The following KCNJ6 variants were observed in gnomAD, a reference collection of about 807,000 sequenced individuals.
KCNJ6 encodes the protein G protein-activated inward rectifier potassium channel 2.
A neutral mutation model predicts 34.2 loss-of-function variants in KCNJ6; 9 were observed. That is an observed-to-expected ratio of 0.26 (90% confidence interval 0.16 to 0.46). The LOEUF (loss-of-function observed/expected upper bound fraction) is 0.46. Ranked by LOEUF, KCNJ6 falls within the 20% of genes least tolerant of loss-of-function variation. The pLI, the probability that KCNJ6 is intolerant of heterozygous loss-of-function variation, is 1.00. For synonymous variants in KCNJ6, 196 were observed against 207.1 expected (o/e 0.95, Z 0.46); for missense variants, 236 against 531.3 (o/e 0.44, Z 5.46).
chr21:37,832,376 G>T (rs527900866), intron 2 of KCNJ6, among the ~76,000 whole-genome samples: 14 of 152,036 alleles, frequency 9.2e-5, no homozygotes, highest in African/African-American at 3.4e-4. Flanking sequence ...ACGATGAACA[G>T]CTCTGCCCCG....
intron 2 of KCNJ6, among the ~76,000 whole-genome samples, chr21:37,770,844 TCTC>T (rs1309784645): frequency 1.3e-5 from 2 of 152,200 alleles, no homozygotes; most frequent in African/African-American, 2.4e-5. Context: ...CCTTCTTTTA[TCTC>T]CTATCTAATT....
At chr21:37,817,311 T>A (rs770386391) in intron 2 of KCNJ6, among the ~76,000 whole-genome samples, 59 of 152,318 alleles carry the variant, frequency 3.9e-4, no homozygotes, top group Middle Eastern at 3.4e-3. Context: ...AACCTCTCTG[T>A]GCTCCTCCTG....
At chr21:37,757,479 C>T (rs1329015408) in intron 2 of KCNJ6, among the ~76,000 whole-genome samples, 17 of 136,594 alleles carry the variant, frequency 1.2e-4, no homozygotes, top group East Asian at 6.7e-4. Flanking sequence ...TCCCTCACAG[C>T]GTGATGATTC....
chr21:37,654,345 T>C (rs2054447866), intron 3 of KCNJ6, among the ~76,000 whole-genome samples: 1 of 151,854 alleles, frequency 6.6e-6, no homozygotes, highest in Non-Finnish European at 1.5e-5. Flanking sequence ...GTCTGTCAGC[T>C]CTTCTGCTAC....
chr21:37,719,814 C>T (rs998106510), intron 2 of KCNJ6, among the ~76,000 whole-genome samples: 37 of 152,146 alleles, frequency 2.4e-4, no homozygotes, highest in Non-Finnish European at 4.8e-4. Flanking sequence ...GCCTTGTCCT[C>T]GAATCAGTGG....
Position 37,909,322 on chromosome 21 carries a change from C to T in KCNJ6, c.-28+6562G>A, listed in dbSNP as rs548177869. On this transcript the variant is annotated intron_variant, in intron 1 of 3. Coordinates refer to ENST00000609713, the MANE Select transcript of KCNJ6 (RefSeq NM_002240.5). ...CATTGCAATAAATGAATAAAAACAT[C>T]TGCTATTTTTAAAGTGCCTACTTTG... is the stretch of plus-strand genomic sequence containing the variant. 3.3e-5 allele frequency among the ~76,000 whole-genome samples: 5 copies of T among 151,992 alleles called. No homozygotes were observed. The South Asian group carries it at 1.0e-3, about 32-fold the overall frequency.
At chr21:37,839,456 G>A (rs1333837072) in intron 2 of KCNJ6, among the ~76,000 whole-genome samples, 1 of 152,144 alleles carries the variant, frequency 6.6e-6, no homozygotes, top group Non-Finnish European at 1.5e-5. Context: ...CTTGGTATGG[G>A]TGGATATTTT....
At chr21:37,866,638 TG>T (rs5843873) in intron 1 of KCNJ6, among the ~76,000 whole-genome samples, 152,290 of 152,290 alleles carry the variant, frequency 1, 76,145 homozygotes, top group Non-Finnish European at 1. Flanking sequence ...AAGAAAAGTG[TG>T]GGATCAGAAA....
chr21:37,737,956 TG>T (rs1272349485), intron 2 of KCNJ6, among the ~76,000 whole-genome samples: 4 of 152,222 alleles, frequency 2.6e-5, no homozygotes, highest in Admixed American at 2.6e-4. Flanking sequence ...GGCTTCTCCC[TG>T]GGGTCAAACC....
chr21:37,871,689 G>A (rs559366728), intron 1 of KCNJ6, among the ~76,000 whole-genome samples: 8 of 152,324 alleles, frequency 5.3e-5, no homozygotes, highest in East Asian at 3.9e-4. Context: ...TGAGTAAACC[G>A]GCAGACAGAT....
chr21:37,626,030 T>C (rs1047727497), intron 3 of KCNJ6, among the ~76,000 whole-genome samples: 1 of 152,194 alleles, frequency 6.6e-6, no homozygotes, highest in Non-Finnish European at 1.5e-5. Flanking sequence ...CCAGATGCAG[T>C]TGGAAGGGTC....
chr21:37,734,621 C>T (rs542605705), intron 2 of KCNJ6, among the ~76,000 whole-genome samples: 3 of 152,212 alleles, frequency 2.0e-5, no homozygotes, highest in African/African-American at 4.8e-5. Flanking sequence ...TGAGCTGATA[C>T]GAGCTCACTG....
chr21:37,774,738 C>G (rs1385374214), intron 2 of KCNJ6, among the ~76,000 whole-genome samples: 3 of 152,172 alleles, frequency 2.0e-5, no homozygotes, highest in African/African-American at 7.2e-5. Context: ...TTTTCTTAAT[C>G]CAGTCTATCA....
chr21:37,798,118 C>A (rs1211131754), intron 2 of KCNJ6, among the ~76,000 whole-genome samples: 1 of 152,178 alleles, frequency 6.6e-6, no homozygotes, highest in African/African-American at 2.4e-5. Context: ...ACAACAATCC[C>A]AGAAAGTGCA....
intron 2 of KCNJ6, among the ~76,000 whole-genome samples, chr21:37,774,488 A>C (rs192018537): frequency 6.6e-6 from 1 of 151,708 alleles, no homozygotes; most frequent in East Asian, 1.9e-4. Flanking sequence ...TCCTAATGCT[A>C]TCCCTCCCCC....
chr21:37,905,388 G>C (rs1295458660), intron 1 of KCNJ6, among the ~76,000 whole-genome samples: 1 of 152,102 alleles, frequency 6.6e-6, no homozygotes, highest in Non-Finnish European at 1.5e-5. Context: ...GATGCGTGGC[G>C]CTCTGATTTC....
intron 2 of KCNJ6, among the ~76,000 whole-genome samples, chr21:37,829,803 G>A (rs1010276520): frequency 2.6e-5 from 4 of 152,342 alleles, no homozygotes; most frequent in East Asian, 1.9e-4. Flanking sequence ...GGGTGCCCCC[G>A]AGATGGGGGC....
chr21:37,783,165 C>G (rs534608937), intron 2 of KCNJ6, among the ~76,000 whole-genome samples: 1 of 152,170 alleles, frequency 6.6e-6, no homozygotes, highest in Non-Finnish European at 1.5e-5. Context: ...CTTCACCCAG[C>G]GATGCTTTCA....
chr21:37,746,833 C>T (rs1030824086), intron 2 of KCNJ6, among the ~76,000 whole-genome samples: 8 of 152,324 alleles, frequency 5.3e-5, no homozygotes, highest in African/African-American at 1.7e-4. Flanking sequence ...TGTAAATTGT[C>T]CTTTATCCAC....
Sources: allele counts gnomAD v4.1 joint callset (sites outside exome capture counted in the v4.1 genomes callset), GRCh38; gene constraint gnomAD v4.1.1; transcripts MANE v1.5; gene names NCBI Gene and HGNC (gene_info 2026-07-23, HGNC 2026-07-21).